The following LSAMP variants were observed in gnomAD, a reference collection of about 807,000 sequenced individuals.
LSAMP encodes the protein limbic system-associated membrane protein.
In LSAMP, 7 loss-of-function variants were observed where a neutral mutation model predicts 38.6. That is an observed-to-expected ratio of 0.18 (90% CI 0.10 to 0.34). The LOEUF (loss-of-function observed/expected upper bound fraction) is 0.34. Among genes scored for constraint, LSAMP ranks in the 10% least tolerant of loss-of-function variants. LSAMP has a pLI of 1.00. For missense variants in LSAMP, 313 were observed against 420.0 expected, an observed-to-expected ratio of 0.75 and a Z score of 2.23; for synonymous variants, 154 against 166.8, an observed-to-expected ratio of 0.92 and a Z score of 0.59.
chr3:116,278,937 C>T (rs1357135882), intron 1 of LSAMP, among the ~76,000 whole-genome samples: 1 of 152,168 alleles, frequency 6.6e-6, no homozygotes, highest in African/African-American at 2.4e-5. Flanking sequence ...AAGGAAACTC[C>T]TATTCTGCTA....
At chr3:115,830,858 G>A (rs1197394911) in intron 6 of LSAMP, among the ~76,000 whole-genome samples, 1 of 152,172 alleles carries the variant, frequency 6.6e-6, no homozygotes, top group Non-Finnish European at 1.5e-5. Flanking sequence ...GTGAGGGCAG[G>A]TACGCCCTCT....
chr3:116,429,646 G>C (rs1462611303), intron 1 of LSAMP, among the ~76,000 whole-genome samples: 1 of 152,106 alleles, frequency 6.6e-6, no homozygotes, highest in African/African-American at 2.4e-5. Context: ...TGATACTGTG[G>C]GAATCAGTAG....
At chr3:115,937,627 G>A (rs1396678930) in intron 3 of LSAMP, among the ~76,000 whole-genome samples, 8 of 147,762 alleles carry the variant, frequency 5.4e-5, no homozygotes, top group Non-Finnish European at 1.0e-4. Flanking sequence ...GCGATAGAGT[G>A]AGACCCTGTC....
At chr3:116,216,365 T>G (rs2107611747) in intron 1 of LSAMP, among the ~76,000 whole-genome samples, 1 of 152,286 alleles carries the variant, frequency 6.6e-6, no homozygotes, top group Middle Eastern at 3.4e-3. Flanking sequence ...ACCCTAGGTA[T>G]GCTCTGATAA....
chr3:115,903,164 G>T (rs984627291), intron 3 of LSAMP, among the ~76,000 whole-genome samples: 2 of 152,066 alleles, frequency 1.3e-5, no homozygotes, highest in African/African-American at 4.8e-5. Flanking sequence ...GCCATAAAAA[G>T]GAATGAGATC....
intron 1 of LSAMP, among the ~76,000 whole-genome samples, chr3:116,248,477 ATGTGTGTGTGTGTGTGTGTGTGTG>A (rs3028670): frequency 2.3e-4 from 33 of 140,978 alleles, no homozygotes; most frequent in African/African-American, 5.9e-4. Flanking sequence ...CCTGTCTCTA[ATGTGTGTGTGTGTGTGTGTGTGTG>A]TGTGTGTGTG....
chr3:116,033,941 T>G (rs569269383), intron 2 of LSAMP, among the ~76,000 whole-genome samples: 1 of 152,232 alleles, frequency 6.6e-6, no homozygotes, highest in East Asian at 1.9e-4. Flanking sequence ...GGTACTGCCC[T>G]TGTGGCCAGC....
At chr3:116,254,074 A>G (rs2046719593) in intron 1 of LSAMP, among the ~76,000 whole-genome samples, 1 of 152,178 alleles carries the variant, frequency 6.6e-6, no homozygotes, top group African/African-American at 2.4e-5. Flanking sequence ...CTTATGGAGT[A>G]ATCTACCTTT....
In LSAMP at chr3:116,426,503, C is replaced by T. The variant is rs561263115; in HGVS notation, c.155+18374G>A. Among the ~76,000 whole-genome samples the T allele has an allele frequency of 6.0e-5, 9 of 149,412 alleles. 1 individual carries two copies. The South Asian group carries it at 1.9e-3, about 32-fold the overall frequency. On this transcript the variant is annotated intron_variant, in intron 1 of 6. Transcript: ENST00000490035. ...AAAAAGAACTCAACACATGAAAAGA[C>T]CGAGGTTGGTAATACAGTCATGCAC...
At chr3:115,895,560 C>T (rs779152704) in intron 3 of LSAMP, among the ~76,000 whole-genome samples, 6 of 151,996 alleles carry the variant, frequency 3.9e-5, no homozygotes, top group African/African-American at 7.2e-5. Flanking sequence ...AGTATAAGAC[C>T]CCTTTGCTGG....
At chr3:115,852,672 T>A in intron 3 of LSAMP, 55 bp from the exon 4 acceptor site, 1 of 1,501,790 alleles carries the variant, frequency 6.7e-7, no homozygotes, top group Non-Finnish European at 9.0e-7. Context: ...AGGCAGTAGA[T>A]CCTCTCATTA....
At chr3:115,861,333 T>C (rs889485382) in intron 3 of LSAMP, among the ~76,000 whole-genome samples, 1 of 152,052 alleles carries the variant, frequency 6.6e-6, no homozygotes, top group African/African-American at 2.4e-5. Flanking sequence ...TTCTTGACAC[T>C]GAGTACTAAC....
chr3:116,309,236 A>G (rs1576498184), intron 1 of LSAMP, among the ~76,000 whole-genome samples: 1 of 152,104 alleles, frequency 6.6e-6, no homozygotes, highest in African/African-American at 2.4e-5. Flanking sequence ...TTTCATAGAC[A>G]TGCTGAGGCA....
At chr3:116,105,364 C>T (rs111443088) in intron 1 of LSAMP, among the ~76,000 whole-genome samples, 1 of 152,230 alleles carries the variant, frequency 6.6e-6, no homozygotes, top group East Asian at 1.9e-4. Context: ...CACTTTCATG[C>T]GCGTCCGTGT....
chr3:115,879,483 G>A (rs1165357522), intron 3 of LSAMP, among the ~76,000 whole-genome samples: 2 of 152,080 alleles, frequency 1.3e-5, no homozygotes, highest in Admixed American at 1.3e-4. Context: ...TGTATGTATT[G>A]GTTTATACTG....
chr3:116,005,310 A>C (rs898019399), intron 3 of LSAMP, among the ~76,000 whole-genome samples: 1 of 152,038 alleles, frequency 6.6e-6, no homozygotes, highest in Non-Finnish European at 1.5e-5. Flanking sequence ...ATAATTCTTC[A>C]CCTATCTCCA....
At chr3:116,116,054 T>A (rs1243479745) in intron 1 of LSAMP, among the ~76,000 whole-genome samples, 2 of 151,548 alleles carry the variant, frequency 1.3e-5, no homozygotes, top group Non-Finnish European at 2.9e-5. Context: ...GTATTTATTA[T>A]TAATTGGATG....
intron 1 of LSAMP, among the ~76,000 whole-genome samples, chr3:116,301,587 A>G (rs1208143724): frequency 5.3e-5 from 8 of 152,114 alleles, no homozygotes; most frequent in African/African-American, 1.9e-4. Flanking sequence ...TGAAGGGAGT[A>G]GGAGATATTT....
chr3:116,075,116 G>T (rs958365139), intron 2 of LSAMP, among the ~76,000 whole-genome samples: 7 of 147,008 alleles, frequency 4.8e-5, no homozygotes, highest in African/African-American at 1.5e-4. Context: ...GGGATTACAG[G>T]TATGAGTCAC....
Sources: gnomAD v4.1 joint callset for allele counts (sites outside exome capture counted in the v4.1 genomes callset) on GRCh38, gnomAD v4.1.1 for gene constraint, MANE v1.5 for transcripts, NCBI Gene and HGNC (gene_info 2026-07-23, HGNC 2026-07-21) for gene names.